Variants in THBS1 observed in about 807,000 individuals in gnomAD.
THBS1 encodes thrombospondin-1.
A neutral mutation model predicts 126.1 loss-of-function variants in THBS1; 29 were observed. That is an observed-to-expected ratio of 0.23 (90% CI 0.17 to 0.31). THBS1 has a LOEUF of 0.31. THBS1 is among the 10% of genes least tolerant of loss of function. The probability of loss-of-function intolerance (pLI) is 1.00; values close to 1 mark genes in which losing one functional copy is unlikely to be tolerated. For missense variants in THBS1, 1,198 were observed against 1,545.2 expected (o/e 0.78, Z 3.77); for synonymous variants, 496 against 577.8 (o/e 0.86, Z 2.03).
chr15:39,587,130 G>A (rs1890222119), intron 7 of THBS1: 1 of 395,680 alleles, frequency 2.5e-6, no homozygotes, highest in East Asian at 3.9e-5. Flanking sequence ...GTGTTAATTA[G>A]CTTGACGGTG....
In THBS1 at chr15:39,590,602, T is replaced by C. The variant is rs777711734; in HGVS notation, c.2232T>C (p.Asn744=). Reference sequence around the variant, plus strand: ...ATGCCTGTGATGATGACGATGACAATGATAAAATTCCAGATGACAGGGTAA... The same window carrying C: ...ATGCCTGTGATGATGACGATGACAACGATAAAATTCCAGATGACAGGGTAA... ...IGDACDDDDD[N]DKIPDDRDNC... is the part of the protein sequence containing the mutation. Residue 744 remains asparagine (N), a synonymous_variant, in exon 14 of 22, where the codon AAT becomes AAC. Transcript: ENST00000260356. 6.2e-6 allele frequency: 10 copies of C among 1,613,670 alleles called. No individual in the cohort carries two copies. The East Asian group carries it at 2.2e-4, about 36-fold the overall frequency.
chr15:39,582,871 G>A, intron 3 of THBS1, 119 bp downstream of exon 3: 1 of 1,156,908 alleles, frequency 8.6e-7, no homozygotes, highest in Non-Finnish European at 1.2e-6. Context: ...ATTTTAGGCA[G>A]CATGAGCATC....
In THBS1 at chr15:39,596,557, A is replaced by G. The variant is rs1271102212; in HGVS notation, c.*1188A>G. On this transcript the variant is annotated 3_prime_UTR_variant, in exon 22 of 22. Coordinates refer to ENST00000260356, the MANE Select transcript of THBS1 (RefSeq NM_003246.4). ...GCCTGGAAATTTAGGCTTCATACGG[A>G]AAGTGTTTGAGAGCAAGTAGTTGAC... 1.3e-5 allele frequency: 2 copies of G among 152,232 alleles called. No homozygotes were observed. The highest frequency in any genetic ancestry group is 3.8e-4 in the East Asian group (2 of 5,200). 9.4% of individuals were successfully genotyped at this position (152,232 alleles called of 1,614,324 possible). A position where few individuals can be genotyped will look rare whatever the true frequency, so the allele number is the denominator to read the frequency against.
intron 9 of THBS1, 27 bp downstream of exon 9, chr15:39,588,245 G>A: frequency 2.5e-6 from 4 of 1,606,214 alleles, no homozygotes; most frequent in Non-Finnish European, 3.4e-6. Context: ...CTGCAAGGGT[G>A]AGCATGGGCA....
Position 39,583,941 on chromosome 15 carries a change from G to A in THBS1, c.704-47G>A, listed in dbSNP as rs759439308. The A allele has an allele frequency of 5.6e-6, 9 of 1,602,950 alleles. No individual in the cohort carries two copies. The East Asian group carries it at 1.3e-4, about 24-fold the overall frequency. On this transcript the variant is annotated intron_variant, in intron 4 of 21. Transcript: ENST00000260356. ...TCTACCACTAAGAACTCAAGAGGCT[G>A]GTTGGTAAGAGTATCTATTTGAAGT... is the stretch of plus-strand genomic sequence containing the variant.
chr15:39,583,726 A>T (rs769553779), intron 4 of THBS1, 34 bp downstream of exon 4: 1 of 1,592,086 alleles, frequency 6.3e-7, no homozygotes, highest in South Asian at 1.1e-5. Flanking sequence ...GCACATAGGG[A>T]ATCAGGGGGA....
chr15:39,593,687 G>T lies in THBS1; in HGVS notation c.3267+19G>T. The T allele has an allele frequency of 6.2e-7, 1 of 1,610,762 alleles. No homozygotes were observed. Among genetic ancestry groups the T allele is most frequent in the Non-Finnish European group, 8.5e-7 (1 of 1,178,862 alleles). On this transcript the variant is annotated intron_variant, in intron 19 of 21. Coordinates refer to ENST00000260356, the MANE Select transcript of THBS1 (RefSeq NM_003246.4). The surrounding 1 kb of genome is among the most constrained non-coding windows in gnomAD (Gnocchi z 5.9). Reference sequence around the variant, plus strand: ...TGGCCAGGTAAGAAGCAAAGCCCTGGAACAGAGAGAGAGCTTATGGGTGCC... The same window carrying T: ...TGGCCAGGTAAGAAGCAAAGCCCTGTAACAGAGAGAGAGCTTATGGGTGCC...
At chr15:39,590,883 T>C in intron 14 of THBS1, 1 of 536,208 alleles carries the variant, frequency 1.9e-6, no homozygotes, top group South Asian at 2.4e-5. Flanking sequence ...AATGCCACTT[T>C]GTTCCCTAGA....
In THBS1 at chr15:39,594,255, A is replaced by G. The variant is rs745339511; in HGVS notation, c.3366-46A>G. 4 of 1,613,654 alleles carry G rather than the reference A, an allele frequency of 2.5e-6. No individual in the cohort carries two copies. The highest frequency in any genetic ancestry group is 2.5e-6 in the Non-Finnish European group (3 of 1,179,624). On this transcript the variant is annotated intron_variant, in intron 20 of 21. Transcript: ENST00000260356. This position sits in a 1 kb window ranked among gnomAD's most constrained non-coding sequence, Gnocchi z 4.4. ...CACACTGAGGGACAAAAAGACAAAA[A>G]GTATTAAATAGCATTGTCACTAAAC...
Position 39,581,772 on chromosome 15 carries a change from C to G in THBS1, c.-29-57C>G, listed in dbSNP as rs147752526. On this transcript the variant is annotated intron_variant, in intron 1 of 21. Coordinates refer to ENST00000260356, the MANE Select transcript of THBS1 (RefSeq NM_003246.4). ...CCATGCCCAGCCCCGTTTCTGCGCACCGTCCCTCCCTGCCTAGCTGATCTC... is the reference window on the plus strand; with the variant it reads ...CCATGCCCAGCCCCGTTTCTGCGCAGCGTCCCTCCCTGCCTAGCTGATCTC... 16,102 of 1,177,436 alleles carry G rather than the reference C, an allele frequency of 0.014. 161 individuals carry two copies. Among genetic ancestry groups the G allele is most frequent in the Middle Eastern group, 0.021 (101 of 4,798 alleles). The allele number at this position is 1,177,436 out of a possible 1,614,324, so 72.9% of individuals were successfully genotyped here. A position where few individuals can be genotyped will look rare whatever the true frequency, so the allele number is the denominator to read the frequency against.
intron 4 of THBS1, 82 bp from the exon 5 acceptor site, chr15:39,583,906 T>C: frequency 6.5e-7 from 1 of 1,531,578 alleles, no homozygotes; most frequent in East Asian, 2.4e-5. Flanking sequence ...TCACACCAAA[T>C]GAAACGTCTT....
rs1405305536 is a variant in THBS1 at position 39,598,644 on chromosome 15, C to G, written c.*3275C>G. On this transcript the variant is annotated 3_prime_UTR_variant, in exon 22 of 22. Coordinates refer to ENST00000260356, the MANE Select transcript of THBS1 (RefSeq NM_003246.4). ...CCAGTTTCACCCTAAGACTGACCTTCAAATAATCAGGTTGTACTGAAATAA... is the reference window on the plus strand; with the variant it reads ...CCAGTTTCACCCTAAGACTGACCTTGAAATAATCAGGTTGTACTGAAATAA... The G allele has an allele frequency of 1.3e-5, 2 of 152,162 alleles. No homozygotes were observed. Among genetic ancestry groups the G allele is most frequent in the African/African-American group, 2.4e-5 (1 of 41,450 alleles). 9.4% of individuals were successfully genotyped at this position (152,162 alleles called of 1,614,324 possible).
At position 39,589,240 on chromosome 15, in the gene THBS1, A is replaced by T; in HGVS notation, c.1812A>T (p.Gly604=). 1 of 1,614,150 alleles carries T rather than the reference A, an allele frequency of 6.2e-7. No homozygotes were observed. The highest frequency in any genetic ancestry group is 1.1e-5 in the South Asian group (1 of 91,086). The stretch of plus-strand genomic sequence containing the variant: ...CTGATGCCTGCTTCAACCACAATGG[A>T]GAGCACCGGTGTGAGAACACGGACC... ...EVPDACFNHN[G]EHRCENTDPG... Residue 604 remains glycine (G), a synonymous_variant, in exon 12 of 22, where the codon GGA becomes GGT. Transcript: ENST00000260356. This position sits in a 1 kb window ranked among gnomAD's most constrained non-coding sequence, Gnocchi z 4.7.
At chr15:39,584,741 C>CT (rs1395316934) in intron 6 of THBS1, among the ~76,000 whole-genome samples, 3 of 123,444 alleles carry the variant, frequency 2.4e-5, no homozygotes, top group African/African-American at 8.4e-5. Flanking sequence ...TTGGAACATT[C>CT]ATTTTTTTTT....
rs1009019543 is a variant in THBS1 at position 39,583,912 on chromosome 15, G to C, written c.704-76G>C. On this transcript the variant is annotated intron_variant, in intron 4 of 21. Coordinates refer to ENST00000260356, the MANE Select transcript of THBS1 (RefSeq NM_003246.4). ...CTGCATCCTTCACACCAAATGAAAC[G>C]TCTTCTACCACTAAGAACTCAAGAG... The C allele has an allele frequency of 3.2e-6, 5 of 1,550,104 alleles. No individual in the cohort carries two copies. In the African/African-American group the frequency reaches 6.8e-5, roughly 21 times the overall value.
At chr15:39,591,159 A>G (rs1423709164) in intron 14 of THBS1, 32 bp from the exon 15 acceptor site, 1 of 1,606,730 alleles carries the variant, frequency 6.2e-7, no homozygotes, top group East Asian at 2.2e-5. Context: ...CAAGGACAAC[A>G]TTGTTAAGTG....
intron 7 of THBS1, 62 bp from the exon 8 acceptor site, chr15:39,587,285 C>G: frequency 1.3e-6 from 2 of 1,533,100 alleles, no homozygotes; most frequent in East Asian, 2.3e-5. Flanking sequence ...CTGAACAGAG[C>G]CCTCTAAAGA....
In THBS1 at chr15:39,582,650, G is replaced by A. The variant is rs1890134606; in HGVS notation, c.525G>A (p.Glu175=). The A allele has an allele frequency of 6.2e-7, 1 of 1,613,796 alleles. No individual in the cohort carries two copies. The highest frequency in any genetic ancestry group is 1.7e-5 in the Admixed American group (1 of 60,014). Residue 175 remains glutamate (E), a synonymous_variant, in exon 3 of 22, where the codon GAG becomes GAA. Coordinates refer to ENST00000260356, the MANE Select transcript of THBS1 (RefSeq NM_003246.4). ...TGTACATCGACTGTGAAAAGATGGA[G>A]AATGCTGAGTTGGACGTCCCCATCC... ...AQLYIDCEKM[E]NAELDVPIQS...
chr15:39,586,813 G>GA (rs1332850099), intron 7 of THBS1: 2 of 152,246 alleles, frequency 1.3e-5, no homozygotes, highest in Admixed American at 1.3e-4. Context: ...AGAGGAGAAA[G>GA]AAAATCAATG....
Sources: allele counts gnomAD v4.1 joint callset (sites outside exome capture counted in the v4.1 genomes callset), GRCh38; gene constraint gnomAD v4.1.1; non-coding constraint Gnocchi (gnomAD v3.1); transcripts MANE v1.5; gene names NCBI Gene and HGNC (gene_info 2026-07-23, HGNC 2026-07-21).